ALDH1L1: variants seen among roughly 807,000 people sequenced by gnomAD.
ALDH1L1 encodes the protein aldehyde dehydrogenase 1 family member L1.
A neutral mutation model predicts 101.1 loss-of-function variants in ALDH1L1; 68 were observed. That is an observed-to-expected ratio of 0.67 (90% CI 0.55 to 0.82). The LOEUF is 0.82. Among genes scored for constraint, ALDH1L1 ranks in the 40% least tolerant of loss-of-function variants. The pLI is 0.00. For missense variants in ALDH1L1, 1,087 were observed against 1,172.7 expected, an observed-to-expected ratio of 0.93 and a Z score of 1.07; for synonymous variants, 486 against 470.8, an observed-to-expected ratio of 1.03 and a Z score of -0.42.
chr3:126,108,735 G>A (rs918405974), intron 20 of ALDH1L1, among the ~76,000 whole-genome samples: 15 of 152,218 alleles, frequency 9.9e-5, no homozygotes, highest in East Asian at 1.9e-4. Context: ...CCACTAAGCC[G>A]AGCAGCAGCA....
At chr3:126,162,560 T>G (rs1024138432) in intron 1 of ALDH1L1, among the ~76,000 whole-genome samples, 1 of 152,236 alleles carries the variant, frequency 6.6e-6, no homozygotes, top group African/African-American at 2.4e-5. Flanking sequence ...ATTGTTGCTC[T>G]GTTTTGTTTT....
chr3:126,131,621 G>C, intron 12 of ALDH1L1, 87 bp from the exon 13 acceptor site: 1 of 1,444,244 alleles, frequency 6.9e-7, no homozygotes, highest in South Asian at 1.4e-5. Flanking sequence ...AAGGAGCTGG[G>C]GTCCTGCCCT....
chr3:126,187,037 G>A (rs779996333), intron 1 of ALDH1L1, among the ~76,000 whole-genome samples: 21 of 152,152 alleles, frequency 1.4e-4, no homozygotes, highest in Admixed American at 2.0e-4. Flanking sequence ...CAGGGGGAGC[G>A]GGGATCGAGG....
At chr3:126,153,961 G>A (rs1400943877) in intron 6 of ALDH1L1, among the ~76,000 whole-genome samples, 1 of 152,232 alleles carries the variant, frequency 6.6e-6, no homozygotes, top group African/African-American at 2.4e-5. Context: ...GCATTTGCTA[G>A]TACAAAGGGC....
At chr3:126,108,630 G>A (rs562237915) in intron 20 of ALDH1L1, among the ~76,000 whole-genome samples, 19 of 152,338 alleles carry the variant, frequency 1.2e-4, no homozygotes, top group Admixed American at 3.9e-4. Flanking sequence ...TGAGGTGTGC[G>A]GTGCCCGATG....
At chr3:126,187,565 T>C (rs544333817) in intron 1 of ALDH1L1, among the ~76,000 whole-genome samples, 185 of 152,056 alleles carry the variant, frequency 1.2e-3, no homozygotes, top group African/African-American at 3.4e-3. Flanking sequence ...CACACCTCAG[T>C]TTACAGTGGG....
intron 7 of ALDH1L1, 36 bp from the exon 8 acceptor site, chr3:126,150,567 T>A: frequency 6.5e-7 from 1 of 1,538,104 alleles, no homozygotes; most frequent in East Asian, 2.5e-5. Context: ...TTTCTTTTCT[T>A]TTTTTGAGAC....
At chr3:126,107,873 GT>G (rs951511292) in intron 20 of ALDH1L1, 2 of 152,694 alleles carry the variant, frequency 1.3e-5, no homozygotes, top group African/African-American at 2.4e-5. Flanking sequence ...CTTCCTCTCT[GT>G]TTTCTCTAGA....
At chr3:126,158,289 C>G in intron 3 of ALDH1L1, 116 bp downstream of exon 3, 1 of 1,032,434 alleles carries the variant, frequency 9.7e-7, no homozygotes, top group Non-Finnish European at 1.4e-6. Flanking sequence ...GGACAGGCAC[C>G]TGCACGATGC....
intron 1 of ALDH1L1, among the ~76,000 whole-genome samples, chr3:126,174,768 T>C (rs1282670607): frequency 1.3e-5 from 2 of 152,106 alleles, no homozygotes; most frequent in Non-Finnish European, 2.9e-5. Flanking sequence ...TAGAGGGAAA[T>C]TTAGAGCACT....
At chr3:126,109,821 C>A (rs747738867) in intron 20 of ALDH1L1, 123 bp downstream of exon 20, 15 of 1,395,584 alleles carry the variant, frequency 1.1e-5, no homozygotes, top group Non-Finnish European at 1.5e-5. Context: ...CCAGATGGGG[C>A]TGCAGCCTGA....
In ALDH1L1 at chr3:126,107,027, C is replaced by T. The variant is rs897377387; in HGVS notation, c.2453+114G>A. On this transcript the variant is annotated intron_variant, in intron 21 of 22. Transcript: ENST00000393434. ...AAGCGGGGTGTCCACGGCTTGCGCC[C>T]TGCCTGAGTTCTCCTCCTGACTGCC... 6 of 964,994 alleles carry T rather than the reference C, an allele frequency of 6.2e-6. No homozygotes were observed. The East Asian group carries it at 9.8e-5, about 16-fold the overall frequency. The allele number at this position is 964,994 out of a possible 1,614,324, so 59.8% of individuals were successfully genotyped here.
At chr3:126,124,545 C>T (rs2080142777) in intron 15 of ALDH1L1, 94 bp from the exon 16 acceptor site, 1 of 1,023,130 alleles carries the variant, frequency 9.8e-7, no homozygotes, top group Non-Finnish European at 1.5e-6. Flanking sequence ...AGCAGCCCAG[C>T]AGCAAGCTGG....
intron 1 of ALDH1L1, among the ~76,000 whole-genome samples, chr3:126,165,612 G>A (rs968628751): frequency 2.6e-5 from 4 of 152,106 alleles, no homozygotes; most frequent in Admixed American, 2.0e-4. Context: ...CTCAATATTG[G>A]TCTATTCAGC....
At chr3:126,119,750 C>T (rs2080042235) in intron 16 of ALDH1L1, among the ~76,000 whole-genome samples, 1 of 152,050 alleles carries the variant, frequency 6.6e-6, no homozygotes, top group African/African-American at 2.4e-5. Context: ...AACAGGTGTC[C>T]AAAATATACA....
chr3:126,124,438 G>A lies in ALDH1L1; in HGVS notation c.1814C>T (p.Thr605Ile). 2 of 1,611,206 alleles carry A rather than the reference G, an allele frequency of 1.2e-6. No homozygotes were observed. The highest frequency in any genetic ancestry group is 1.1e-5 in the South Asian group (1 of 90,460). The stretch of plus-strand genomic sequence containing the variant: ...TGTCAGCTCTGCAAACTTCAAGGCT[G>A]TGAGTGGGGTCACCTGGGTGTGGGG... ...VIKPAQVTPL[T>I]ALKFAELTLK... Residue 605 changes from threonine to isoleucine, a missense_variant, in exon 16 of 23, where the codon ACA becomes ATA. Thr to Ile is a moderately conservative substitution (Grantham distance 89). Around this residue, in one of 2 missense-constraint regions of ALDH1L1, gnomAD observed 442 missense variants for 535.7 expected, o/e 0.83. Coordinates refer to ENST00000393434, the MANE Select transcript of ALDH1L1 (RefSeq NM_012190.4).
At chr3:126,190,179 A>G (rs1387757818) in intron 1 of ALDH1L1, among the ~76,000 whole-genome samples, 2 of 152,220 alleles carry the variant, frequency 1.3e-5, no homozygotes. Context: ...CTATTACAAT[A>G]ACATGCTGAT....
In ALDH1L1 at chr3:126,130,524, C is replaced by A. The variant is rs1388696923; in HGVS notation, c.1624-231G>T. 3.9e-5 allele frequency among the ~76,000 whole-genome samples: 6 copies of A among 152,376 alleles called. No homozygotes were observed. The South Asian group carries it at 6.2e-4, about 16-fold the overall frequency. On this transcript the variant is annotated intron_variant, in intron 13 of 22. Coordinates refer to ENST00000393434, the MANE Select transcript of ALDH1L1 (RefSeq NM_012190.4). ...GAAGCTGGTCCTGGTACCAGCAAAG[C>A]CTCTAGCTTTGACATTCGAGCAAGA...
chr3:126,187,507 G>T (rs1316992719), intron 1 of ALDH1L1, among the ~76,000 whole-genome samples: 1 of 152,220 alleles, frequency 6.6e-6, no homozygotes, highest in Non-Finnish European at 1.5e-5. Flanking sequence ...GTCCTTGTGG[G>T]ATTGGGGAAT....
Sources: allele counts gnomAD v4.1 joint callset (sites outside exome capture counted in the v4.1 genomes callset), GRCh38; gene constraint gnomAD v4.1.1; regional missense constraint gnomAD v4.1.1; transcripts MANE v1.5; gene names NCBI Gene and HGNC (gene_info 2026-07-23, HGNC 2026-07-21).